GRB10: variants seen among roughly 807,000 people sequenced by gnomAD.
GRB10 encodes growth factor receptor-bound protein 10.
GRB10 carries 20 observed loss-of-function variants against 80.9 expected under a neutral mutation model. The ratio of observed to expected loss-of-function variants is 0.25; its 90% CI spans 0.17 to 0.36. GRB10 has a LOEUF of 0.36. Ranked by LOEUF, GRB10 falls within the 10% of genes least tolerant of loss-of-function variation. The pLI is 1.00. For synonymous variants in GRB10, 291 were observed against 291.5 expected, an observed-to-expected ratio of 1.00 and a Z score of 0.02; for missense variants, 548 against 747.7, an observed-to-expected ratio of 0.73 and a Z score of 3.12.
intron 7 of GRB10, among the ~76,000 whole-genome samples, chr7:50,648,461 G>A (rs918972959): frequency 4.6e-5 from 7 of 152,208 alleles, no homozygotes; most frequent in Non-Finnish European, 5.9e-5. Flanking sequence ...ATAATCTTCT[G>A]AAAGCAGTAA....
intron 3 of GRB10, among the ~76,000 whole-genome samples, chr7:50,735,567 G>A (rs1187582548): frequency 6.6e-6 from 1 of 152,076 alleles, no homozygotes; most frequent in African/African-American, 2.4e-5. Flanking sequence ...GCCAGAATGT[G>A]GGCCCATGTG....
chr7:50,715,042 T>C (rs960216173), intron 4 of GRB10, among the ~76,000 whole-genome samples: 1 of 138,746 alleles, frequency 7.2e-6, no homozygotes, highest in African/African-American at 3.5e-5. Context: ...CAGGGTTTGA[T>C]ATGATGAATC....
chr7:50,743,094 C>T (rs1287248549), intron 3 of GRB10, among the ~76,000 whole-genome samples: 1 of 152,088 alleles, frequency 6.6e-6, no homozygotes, highest in Non-Finnish European at 1.5e-5. Flanking sequence ...TTTTAGAACA[C>T]CAATTTCCGC....
At chr7:50,593,492 A>G (rs2153558700) in intron 18 of GRB10, among the ~76,000 whole-genome samples, 1 of 152,128 alleles carries the variant, frequency 6.6e-6, no homozygotes, top group East Asian at 1.9e-4. Context: ...GGTCCTCACT[A>G]TACGACCTCA....
chr7:50,734,388 A>G (rs914825862), intron 3 of GRB10, among the ~76,000 whole-genome samples: 2 of 152,102 alleles, frequency 1.3e-5, no homozygotes, highest in Admixed American at 6.5e-5. Flanking sequence ...GGCCTGGGAG[A>G]GGAAGGAGTG....
chr7:50,612,393 C>T (rs1425746609), intron 13 of GRB10, among the ~76,000 whole-genome samples: 1 of 152,052 alleles, frequency 6.6e-6, no homozygotes, highest in Admixed American at 6.5e-5. Flanking sequence ...CTCAACTGGC[C>T]GGGCGTGCGA....
intron 5 of GRB10, among the ~76,000 whole-genome samples, chr7:50,700,015 T>G (rs1414727554): frequency 6.6e-6 from 1 of 152,122 alleles, no homozygotes; most frequent in Admixed American, 6.5e-5. Flanking sequence ...GGCGGGCACC[T>G]GTAGTCCCAG....
At chr7:50,777,477 A>C (rs2077798904) in intron 2 of GRB10, among the ~76,000 whole-genome samples, 2 of 126,300 alleles carry the variant, frequency 1.6e-5, no homozygotes. Context: ...CATATCTGTA[A>C]ATATACTAAT....
At chr7:50,717,458 T>A (rs1329371947) in intron 4 of GRB10, among the ~76,000 whole-genome samples, 1 of 152,158 alleles carries the variant, frequency 6.6e-6, no homozygotes, top group East Asian at 1.9e-4. Flanking sequence ...AGAGTGTGTG[T>A]GTGTGTGTGC....
At chr7:50,722,028 T>A (rs2067833689) in intron 4 of GRB10, among the ~76,000 whole-genome samples, 2 of 152,100 alleles carry the variant, frequency 1.3e-5, no homozygotes, top group Admixed American at 6.6e-5. Context: ...GTAGGGAGGA[T>A]CAGGCCAAAG....
chr7:50,599,112 G>A (rs371270720), intron 17 of GRB10, among the ~76,000 whole-genome samples: 10 of 152,292 alleles, frequency 6.6e-5, no homozygotes, highest in East Asian at 1.9e-4. Flanking sequence ...GGAAGCAGGC[G>A]GCAAATTCAG....
At chr7:50,656,945 C>G in intron 7 of GRB10, among the ~76,000 whole-genome samples, 1 of 152,214 alleles carries the variant, frequency 6.6e-6, no homozygotes, top group Admixed American at 6.5e-5. Context: ...AATGTGGCAA[C>G]AGCTGCACTC....
chr7:50,712,744 G>A (rs2066094996), intron 4 of GRB10, among the ~76,000 whole-genome samples: 1 of 152,188 alleles, frequency 6.6e-6, no homozygotes, highest in Non-Finnish European at 1.5e-5. Flanking sequence ...CACCCACTCT[G>A]CAGTGTTCAG....
intron 6 of GRB10, among the ~76,000 whole-genome samples, chr7:50,672,740 C>T (rs941964926): frequency 3.3e-5 from 5 of 152,188 alleles, no homozygotes; most frequent in South Asian, 2.1e-4. Context: ...AGCCCACCCT[C>T]GGGCACCTTC....
chr7:50,725,472 G>GAC (rs1295876607), intron 4 of GRB10, among the ~76,000 whole-genome samples: 8 of 152,172 alleles, frequency 5.3e-5, no homozygotes, highest in Admixed American at 3.9e-4. Flanking sequence ...CGAATACAGT[G>GAC]ACACACACAC....
chr7:50,770,862 A>T (rs532111872), intron 2 of GRB10, among the ~76,000 whole-genome samples: 3 of 152,282 alleles, frequency 2.0e-5, no homozygotes, highest in African/African-American at 7.2e-5. Context: ...ATATTTTTTA[A>T]ATGCCTGTCA....
At chr7:50,734,137 G>A (rs1040029119) in intron 3 of GRB10, among the ~76,000 whole-genome samples, 2 of 151,996 alleles carry the variant, frequency 1.3e-5, no homozygotes, top group East Asian at 1.9e-4. Context: ...ACCCCTAGCC[G>A]TTGAGGTGGA....
At chr7:50,604,412 GCAGA>G (rs1408190884) in intron 15 of GRB10, 35 bp from the exon 16 acceptor site, 3 of 1,553,646 alleles carry the variant, frequency 1.9e-6, no homozygotes. Context: ...ACCGAGGACA[GCAGA>G]CAGACACACC....
chr7:50,713,407 C>T (rs1380672360), intron 4 of GRB10, among the ~76,000 whole-genome samples: 2 of 151,942 alleles, frequency 1.3e-5, no homozygotes, highest in African/African-American at 4.8e-5. Flanking sequence ...CCTCCACCGC[C>T]ACCTCCATCT....
Sources: allele counts gnomAD v4.1 joint callset (sites outside exome capture counted in the v4.1 genomes callset), GRCh38; gene constraint gnomAD v4.1.1; transcripts MANE v1.5; gene names NCBI Gene and HGNC (gene_info 2026-07-23, HGNC 2026-07-21).